Variants in C11orf87 observed in about 807,000 individuals in gnomAD.
C11orf87 encodes the protein chromosome 11 open reading frame 87, also known as uncharacterized protein C11orf87.
C11orf87 carries 3 observed loss-of-function variants against 9.2 expected under a neutral mutation model. That is an observed-to-expected ratio of 0.33 (90% CI 0.15 to 0.84). The LOEUF is 0.84. Ranked by LOEUF, C11orf87 falls within the 40% of genes least tolerant of loss-of-function variation. C11orf87 has a pLI of 0.55. For synonymous variants in C11orf87, 124 were observed against 124.6 expected, an observed-to-expected ratio of 1.00 and a Z score of 0.03; for missense variants, 256 against 270.7, an observed-to-expected ratio of 0.95 and a Z score of 0.38.
In C11orf87 at chr11:109,427,952, C is replaced by T. The variant is rs921877672; in HGVS notation, c.*3725C>T. 6 of 151,986 alleles carry T rather than the reference C, an allele frequency of 3.9e-5. No individual in the cohort carries two copies. The highest frequency in any genetic ancestry group is 2.1e-4 in the South Asian group (1 of 4,784). 9.4% of individuals were successfully genotyped at this position (151,986 alleles called of 1,614,324 possible). On this transcript the variant is annotated 3_prime_UTR_variant, in exon 2 of 2. Transcript: ENST00000327419. ...TACCCAAAGAGGATACTGAAAAGTC[C>T]GGTATGTGCATGCACTTGTTTCTCT...
rs2134828876 is a variant in C11orf87, at chr11:109,425,959, C to T, written c.*1732C>T. On this transcript the variant is annotated 3_prime_UTR_variant, in exon 2 of 2. Transcript: ENST00000327419. ...TCTTTCTCAGTCTGTCCTAACTTCA[C>T]TGAACATACAAAAATACTGAGAAAA... The T allele has an allele frequency of 6.6e-6, 1 of 152,260 alleles. No homozygotes were observed. The highest frequency in any genetic ancestry group is 2.1e-4 in the South Asian group (1 of 4,820). The allele number at this position is 152,260 out of a possible 1,614,324, so 9.4% of individuals were successfully genotyped here.
Position 109,423,975 on chromosome 11 carries a change from G to A in C11orf87, c.342G>A (p.Gly114=), listed in dbSNP as rs944796584. 6.2e-7 allele frequency: 1 copy of A among 1,613,856 alleles called. No homozygotes were observed. Among genetic ancestry groups the A allele is most frequent in the Non-Finnish European group, 8.5e-7 (1 of 1,179,860 alleles). Residue 114 remains glycine (G), a synonymous_variant, in exon 2 of 2, where the codon GGG becomes GGA. Transcript: ENST00000327419. This position sits in a 1 kb window ranked among gnomAD's most constrained non-coding sequence, Gnocchi z 5.3. The part of the protein sequence containing the change: ...DHCSGSRGGG[G]LPRPGRQAPT... ...GCAGCGGCAGCCGCGGTGGCGGGGG[G>A]CTGCCCCGACCTGGCAGGCAGGCCC...
chr11:109,422,974 T>G, intron 1 of C11orf87, among the ~76,000 whole-genome samples: 1 of 150,640 alleles, frequency 6.6e-6, no homozygotes, highest in Non-Finnish European at 1.5e-5. Context: ...CCGGAGTGGG[T>G]GCTGGGAAGG....
Position 109,422,236 on chromosome 11 carries a change from C to G in C11orf87, c.-287C>G. 5.0e-6 allele frequency: 1 copy of G among 199,770 alleles called. No individual in the cohort carries two copies. Among genetic ancestry groups the G allele is most frequent in the South Asian group, 6.3e-5 (1 of 15,884 alleles). 12.4% of individuals were successfully genotyped at this position (199,770 alleles called of 1,614,324 possible). A position where few individuals can be genotyped will look rare whatever the true frequency, so the allele number is the denominator to read the frequency against. ...CCACTGCAGCCGCGCGGCGGGGGCT[C>G]CCTCCTTGCAGCCAGCCGGCGGTCC... On this transcript the variant is annotated 5_prime_UTR_variant, in exon 1 of 2. Transcript: ENST00000327419.
At position 109,426,726 on chromosome 11, in the gene C11orf87, C is replaced by T. The variant is rs1860577556; in HGVS notation, c.*2499C>T. 6.6e-6 allele frequency: 1 copy of T among 152,184 alleles called. No individual in the cohort carries two copies. 9.4% of individuals were successfully genotyped at this position (152,184 alleles called of 1,614,324 possible). A position where few individuals can be genotyped will look rare whatever the true frequency, so the allele number is the denominator to read the frequency against. On this transcript the variant is annotated 3_prime_UTR_variant, in exon 2 of 2. Coordinates refer to ENST00000327419, the MANE Select transcript of C11orf87 (RefSeq NM_207645.4). Reference sequence around the variant, plus strand: ...GAAGAAAGTCCATTGATTTTTGTAGCTTACCCTCATCCAGTGGTAGCTCTT... The same window carrying T: ...GAAGAAAGTCCATTGATTTTTGTAGTTTACCCTCATCCAGTGGTAGCTCTT...
chr11:109,428,893 T>A lies in C11orf87; in HGVS notation c.*4666T>A, dbSNP rs1259229566. 3 of 152,186 alleles carry A rather than the reference T, an allele frequency of 2.0e-5. No individual in the cohort carries two copies. Among genetic ancestry groups the A allele is most frequent in the African/African-American group, 7.2e-5 (3 of 41,462 alleles). The allele number at this position is 152,186 out of a possible 1,614,324, so 9.4% of individuals were successfully genotyped here. A position where few individuals can be genotyped will look rare whatever the true frequency, so the allele number is the denominator to read the frequency against. ...AACTTTATTTGGAGACAATGACTTA[T>A]CAAGGAGGTCCTACCCATTTGTGGT... is the stretch of plus-strand genomic sequence containing the variant. On this transcript the variant is annotated 3_prime_UTR_variant, in exon 2 of 2. Transcript: ENST00000327419.
intron 1 of C11orf87, among the ~76,000 whole-genome samples, chr11:109,422,647 A>G (rs1405667100): frequency 6.6e-6 from 1 of 150,566 alleles, no homozygotes; most frequent in African/African-American, 2.5e-5. Context: ...GCTACTGCCA[A>G]GTTGGGGGCA....
At position 109,422,210 on chromosome 11, in the gene C11orf87, GC is replaced by G; in HGVS notation, c.-311del. On this transcript the variant is annotated 5_prime_UTR_variant, in exon 1 of 2. Transcript: ENST00000327419. Reference sequence around the variant, plus strand: ...CATTCACTCCACGCTTTCTGCAGCCGCCACTGCAGCCGCGCGGCGGGGGCTC... The same window carrying G: ...CATTCACTCCACGCTTTCTGCAGCCGCACTGCAGCCGCGCGGCGGGGGCTC... 1 of 203,460 alleles carries G rather than the reference GC, an allele frequency of 4.9e-6. No individual in the cohort carries two copies. The highest frequency in any genetic ancestry group is 9.9e-6 in the Non-Finnish European group (1 of 100,764). The allele number at this position is 203,460 out of a possible 1,614,324, so 12.6% of individuals were successfully genotyped here.
chr11:109,427,417 AATT>A lies in C11orf87; in HGVS notation c.*3194_*3196del, dbSNP rs1860588270. ...TTCTAGTAATCCAGTTTCCACACAA[AATT>A]ATTTCAATAAGCACATATCCAAGCA... is the stretch of plus-strand genomic sequence containing the variant. On this transcript the variant is annotated 3_prime_UTR_variant, in exon 2 of 2. Coordinates refer to ENST00000327419, the MANE Select transcript of C11orf87 (RefSeq NM_207645.4). The A allele has an allele frequency of 6.6e-6, 1 of 152,220 alleles. No individual in the cohort carries two copies. The highest frequency in any genetic ancestry group is 2.1e-4 in the South Asian group (1 of 4,824). The allele number at this position is 152,220 out of a possible 1,614,324, so 9.4% of individuals were successfully genotyped here. A position where few individuals can be genotyped will look rare whatever the true frequency, so the allele number is the denominator to read the frequency against.
chr11:109,423,536 T>G lies in C11orf87; in HGVS notation c.-98T>G. ...CACCCCCTCCCGCTACAGGGAGCAG[T>G]TTTGGGTGGCGTGGGCTCCGTCCTC... On this transcript the variant is annotated 5_prime_UTR_variant, in exon 2 of 2. Coordinates refer to ENST00000327419, the MANE Select transcript of C11orf87 (RefSeq NM_207645.4). The surrounding 1 kb of genome is among the most constrained non-coding windows in gnomAD (Gnocchi z 5.3). 7.9e-7 allele frequency: 1 copy of G among 1,271,564 alleles called. No individual in the cohort carries two copies. The highest frequency in any genetic ancestry group is 1.1e-6 in the Non-Finnish European group (1 of 939,662). The allele number at this position is 1,271,564 out of a possible 1,614,324, so 78.8% of individuals were successfully genotyped here.
Position 109,425,771 on chromosome 11 carries a change from C to CTGTA in C11orf87, c.*1548_*1551dup. ...GCAGTGGTGTGTGTGCTTGCTTGTA[C>CTGTA]TGTATGTGGTTGGGGATGAGACTGG... On this transcript the variant is annotated 3_prime_UTR_variant, in exon 2 of 2. Coordinates refer to ENST00000327419, the MANE Select transcript of C11orf87 (RefSeq NM_207645.4). 6.6e-6 allele frequency: 1 copy of CTGTA among 152,432 alleles called. No individual in the cohort carries two copies. Among genetic ancestry groups the CTGTA allele is most frequent in the Middle Eastern group, 3.2e-3 (1 of 316 alleles). The allele number at this position is 152,432 out of a possible 1,614,324, so 9.4% of individuals were successfully genotyped here.
rs1191167410 is a variant in C11orf87, at chr11:109,423,724, G to C, written c.91G>C (p.Gly31Arg). ...TFASPNASGSGNTGARGPGAV... is the reference protein window; with the variant it reads ...TFASPNASGSRNTGARGPGAV... ...TGCTTCCCCCAACGCCAGCGGCAGC[G>C]GCAACACGGGTGCCCGCGGCCCAGG... The change falls in exon 2 of 2, where the codon GGC becomes CGC. Residue 31 changes from glycine (G) to arginine (R), a missense_variant. By Grantham distance (125) the Gly-to-Arg change is moderately radical (BLOSUM62 -2). Transcript: ENST00000327419. This position sits in a 1 kb window ranked among gnomAD's most constrained non-coding sequence, Gnocchi z 5.3. The C allele has an allele frequency of 6.2e-7, 1 of 1,613,468 alleles. No homozygotes were observed. The highest frequency in any genetic ancestry group is 8.5e-7 in the Non-Finnish European group (1 of 1,179,870).
In C11orf87 at chr11:109,423,970, G is replaced by A. The variant is rs1179360933; in HGVS notation, c.337G>A (p.Gly113Arg). The change falls in exon 2 of 2, where the codon GGG (glycine) becomes AGG (arginine). Residue 113 changes from glycine to arginine, a missense_variant. Physicochemically the swap from Gly to Arg is moderately radical, Grantham distance 125. Transcript: ENST00000327419. The surrounding 1 kb of genome is among the most constrained non-coding windows in gnomAD (Gnocchi z 5.3). Reference protein sequence around the residue: ...RDHCSGSRGGGGLPRPGRQAP... With the variant: ...RDHCSGSRGGRGLPRPGRQAP... The stretch of plus-strand genomic sequence containing the variant: ...TCACTGCAGCGGCAGCCGCGGTGGC[G>A]GGGGGCTGCCCCGACCTGGCAGGCA... The A allele has an allele frequency of 1.2e-6, 2 of 1,613,828 alleles. No homozygotes were observed. The highest frequency in any genetic ancestry group is 1.7e-6 in the Non-Finnish European group (2 of 1,179,822).
At position 109,423,461 on chromosome 11, in the gene C11orf87, G is replaced by A. The variant is rs1436839243; in HGVS notation, c.-173G>A. On this transcript the variant is annotated 5_prime_UTR_variant, in exon 2 of 2. Transcript: ENST00000327419. This position sits in a 1 kb window ranked among gnomAD's most constrained non-coding sequence, Gnocchi z 5.3. ...ATCTCTCGGGCGCCGCTCACTCCTTGGTCGCCTTGCTTGCCAGCAGTTGCT... is the reference window on the plus strand; with the variant it reads ...ATCTCTCGGGCGCCGCTCACTCCTTAGTCGCCTTGCTTGCCAGCAGTTGCT... The A allele has an allele frequency of 4.7e-6, 3 of 637,182 alleles. No homozygotes were observed. Among genetic ancestry groups the A allele is most frequent in the African/African-American group, 1.8e-5 (1 of 54,476 alleles). The allele number at this position is 637,182 out of a possible 1,614,324, so 39.5% of individuals were successfully genotyped here.
At position 109,428,037 on chromosome 11, in the gene C11orf87, G is replaced by A. The variant is rs1479905770; in HGVS notation, c.*3810G>A. On this transcript the variant is annotated 3_prime_UTR_variant, in exon 2 of 2. Transcript: ENST00000327419. Reference sequence around the variant, plus strand: ...GAAAGGGGAGAGTCCTGGTTAGCTTGGAAAATTGGTAATTAGATAAGCTTC... The same window carrying A: ...GAAAGGGGAGAGTCCTGGTTAGCTTAGAAAATTGGTAATTAGATAAGCTTC... 6.6e-6 allele frequency: 1 copy of A among 151,996 alleles called. No homozygotes were observed. Among genetic ancestry groups the A allele is most frequent in the African/African-American group, 2.4e-5 (1 of 41,408 alleles). The allele number at this position is 151,996 out of a possible 1,614,324, so 9.4% of individuals were successfully genotyped here.
rs767974868 is a variant in C11orf87 at position 109,423,988 on chromosome 11, G to A, written c.355G>A (p.Gly119Ser). The part of the protein sequence containing the change: ...SRGGGGLPRP[G>S]RQAPTHAKET... ...CGGTGGCGGGGGGCTGCCCCGACCT[G>A]GCAGGCAGGCCCCAACCCACGCAAA... is the stretch of plus-strand genomic sequence containing the variant. Residue 119 changes from glycine to serine, a missense_variant, in exon 2 of 2, where the codon GGC becomes AGC. Physicochemically the swap from Gly to Ser is moderately conservative, Grantham distance 56 (BLOSUM62 0). Coordinates refer to ENST00000327419, the MANE Select transcript of C11orf87 (RefSeq NM_207645.4). The surrounding 1 kb of genome is among the most constrained non-coding windows in gnomAD (Gnocchi z 5.3). The A allele has an allele frequency of 3.7e-6, 6 of 1,613,882 alleles. No homozygotes were observed. The South Asian group carries it at 4.4e-5, about 12-fold the overall frequency.
intron 1 of C11orf87, 106 bp downstream of exon 1, chr11:109,422,369 T>TAGCTCC (rs1860502364): frequency 6.2e-6 from 1 of 161,790 alleles, no homozygotes; most frequent in South Asian, 1.5e-4. Context: ...CCCCTGGCCA[T>TAGCTCC]AGCTCCAGCC....
Position 109,429,019 on chromosome 11 carries a change from G to C in C11orf87, c.*4792G>C, listed in dbSNP as rs536328650. The C allele has an allele frequency of 5.3e-5, 8 of 152,194 alleles. No homozygotes were observed. In the East Asian group the frequency reaches 1.5e-3, roughly 29 times the overall value. The allele number at this position is 152,194 out of a possible 1,614,324, so 9.4% of individuals were successfully genotyped here. On this transcript the variant is annotated 3_prime_UTR_variant, in exon 2 of 2. Coordinates refer to ENST00000327419, the MANE Select transcript of C11orf87 (RefSeq NM_207645.4). ...GATGACAACAGAAAAACTGACTTTT[G>C]AACTTGAGTATATCCAATAGATAGA...
rs1410537362 is a variant in C11orf87 at position 109,424,094 on chromosome 11, C to G, written c.461C>G (p.Pro154Arg). 4.3e-6 allele frequency: 7 copies of G among 1,613,806 alleles called. No homozygotes were observed. The highest frequency in any genetic ancestry group is 2.7e-5 in the African/African-American group (2 of 74,928). Residue 154 changes from proline (P) to arginine (R), a missense_variant, in exon 2 of 2, where the codon CCT (proline) becomes CGT (arginine). Pro to Arg is a moderately radical substitution (Grantham distance 103). Coordinates refer to ENST00000327419, the MANE Select transcript of C11orf87 (RefSeq NM_207645.4). The surrounding 1 kb of genome is among the most constrained non-coding windows in gnomAD (Gnocchi z 4.7). ...GCCTCGTCGTTGTCCTCTTCGTCCCCTGGCCTCCCGTGCCAGGGTCCCTGT... is the reference window on the plus strand; with the variant it reads ...GCCTCGTCGTTGTCCTCTTCGTCCCGTGGCCTCCCGTGCCAGGGTCCCTGT... ...SNASSLSSSSPGLPCQGPCAP... is the reference protein window; with the variant it reads ...SNASSLSSSSRGLPCQGPCAP...
Sources: gnomAD v4.1 joint callset for allele counts (sites outside exome capture counted in the v4.1 genomes callset) on GRCh38, gnomAD v4.1.1 for gene constraint, Gnocchi (gnomAD v3.1) non-coding constraint, MANE v1.5 for transcripts, NCBI Gene and HGNC (gene_info 2026-07-23, HGNC 2026-07-21) for gene names.